Variants in RABGAP1L observed in about 807,000 individuals in gnomAD.
RABGAP1L encodes rab GTPase-activating protein 1-like.
Under a neutral mutation model 137.7 loss-of-function variants are expected in RABGAP1L, and 63 were observed. The observed-to-expected ratio is 0.46, with a 90% CI of 0.37 to 0.56. The LOEUF is 0.56. Ranked by LOEUF, RABGAP1L falls within the 20% of genes least tolerant of loss-of-function variation. RABGAP1L has a pLI of 0.00. For synonymous variants in RABGAP1L, 431 were observed against 433.7 expected (o/e 0.99, Z 0.08); for missense variants, 1,095 against 1,244.0 (o/e 0.88, Z 1.80).
At chr1:174,718,856 T>TG (rs1330206930) in intron 17 of RABGAP1L, among the ~76,000 whole-genome samples, 1 of 104,058 alleles carries the variant, frequency 9.6e-6, no homozygotes, top group African/African-American at 2.9e-5. Flanking sequence ...TTTTTTTTTT[T>TG]GAGACAGAGT....
intron 13 of RABGAP1L, among the ~76,000 whole-genome samples, chr1:174,589,482 T>G (rs1669384061): frequency 6.6e-6 from 1 of 152,310 alleles, no homozygotes; most frequent in South Asian, 2.1e-4. Context: ...ATTTGTCCAT[T>G]TTTTCTTTGG....
At chr1:174,648,943 A>T (rs1242355935) in intron 14 of RABGAP1L, among the ~76,000 whole-genome samples, 1 of 151,942 alleles carries the variant, frequency 6.6e-6, no homozygotes. Flanking sequence ...TGATCCCTTT[A>T]CCATTATGTA....
At position 174,788,975 on chromosome 1, in the gene RABGAP1L, A is replaced by G. The variant is rs189063392; in HGVS notation, c.2212-22857A>G. On this transcript the variant is annotated intron_variant, in intron 18 of 25. Transcript: ENST00000681986. ...GCCATCCTCTCTCTTCAGCCACCCA[A>G]AGTGCTGGGGGTTCAGGTGTGAGCC... Among the ~76,000 whole-genome samples, 17 of 152,060 alleles carry G rather than the reference A, an allele frequency of 1.1e-4. No individual in the cohort carries two copies. In the East Asian group the frequency reaches 3.3e-3, roughly 29 times the overall value.
In RABGAP1L at chr1:174,311,575, G is replaced by A. The variant is rs536149410; in HGVS notation, c.1465+6448G>A. On this transcript the variant is annotated intron_variant, in intron 11 of 25. Coordinates refer to ENST00000681986, the MANE Select transcript of RABGAP1L (RefSeq NM_001366446.1). ...ATTTCACTTAACATAATGATCTCCA[G>A]TTCAATCCATGTTGTTGCAAATGAC... Among the ~76,000 whole-genome samples, 17 of 152,224 alleles carry A rather than the reference G, an allele frequency of 1.1e-4. No individual in the cohort carries two copies. The South Asian group carries it at 1.5e-3, about 13-fold the overall frequency.
intron 11 of RABGAP1L, among the ~76,000 whole-genome samples, chr1:174,347,739 C>A (rs1417191620): frequency 2.0e-5 from 3 of 152,148 alleles, no homozygotes; most frequent in Non-Finnish European, 4.4e-5. Context: ...CATGATCTGC[C>A]CGCCTCGGCC....
chr1:174,201,105 T>G (rs1388957989), intron 1 of RABGAP1L, among the ~76,000 whole-genome samples: 1 of 152,126 alleles, frequency 6.6e-6, no homozygotes, highest in East Asian at 1.9e-4. Context: ...AGAAACTATT[T>G]TTTAATTTTA....
intron 21 of RABGAP1L, among the ~76,000 whole-genome samples, chr1:174,972,651 G>C (rs773558231): frequency 6.6e-6 from 1 of 152,096 alleles, no homozygotes; most frequent in South Asian, 2.1e-4. Flanking sequence ...TTAGGAGTTC[G>C]AGACCAGCCT....
chr1:174,336,720 T>G (rs528069645), intron 11 of RABGAP1L, among the ~76,000 whole-genome samples: 1 of 152,288 alleles, frequency 6.6e-6, no homozygotes, highest in Non-Finnish European at 1.5e-5. Context: ...ATTAGCTCAT[T>G]TAATCCTCTT....
At chr1:174,833,408 GTA>G (rs3980202) in intron 19 of RABGAP1L, among the ~76,000 whole-genome samples, 18,275 of 66,036 alleles carry the variant, frequency 0.28, 2,308 homozygotes, top group Non-Finnish European at 0.36. Context: ...GTGTATGTGT[GTA>G]TGTGTGTGTG....
In RABGAP1L at chr1:174,794,366, C is replaced by T. The variant is rs146999852; in HGVS notation, c.2212-17466C>T. 1.4e-3 allele frequency among the ~76,000 whole-genome samples: 215 copies of T among 152,216 alleles called. 2 individuals are homozygous for T. The highest frequency in any genetic ancestry group is 4.9e-3 in the African/African-American group (202 of 41,548). ...CTTTCTAAACCCTAACCCAGATAAA[C>T]GCAATGTATTTTTACACATTTTCTT... On this transcript the variant is annotated intron_variant, in intron 18 of 25. Transcript: ENST00000681986.
chr1:174,625,421 G>C (rs958768837), intron 13 of RABGAP1L, among the ~76,000 whole-genome samples: 9 of 151,934 alleles, frequency 5.9e-5, no homozygotes, highest in Non-Finnish European at 1.3e-4. Flanking sequence ...TTCACTTTTT[G>C]TGGGGTAGTG....
At chr1:174,542,145 T>C (rs1192498416) in intron 13 of RABGAP1L, among the ~76,000 whole-genome samples, 1 of 152,214 alleles carries the variant, frequency 6.6e-6, no homozygotes, top group Non-Finnish European at 1.5e-5. Flanking sequence ...TTTCTGTTGA[T>C]TGGAATAGTT....
Position 174,371,062 on chromosome 1 carries a change from C to A in RABGAP1L, c.1549C>A (p.Leu517Ile). The A allele has an allele frequency of 6.7e-7, 1 of 1,486,012 alleles. No homozygotes were observed. Among genetic ancestry groups the A allele is most frequent in the South Asian group, 1.5e-5 (1 of 67,264 alleles). The allele number at this position is 1,486,012 out of a possible 1,614,324, so 92.1% of individuals were successfully genotyped here. A position where few individuals can be genotyped will look rare whatever the true frequency, so the allele number is the denominator to read the frequency against. The stretch of plus-strand genomic sequence containing the variant: ...GATCCTGTATTCTTGGGGAGAGTTG[C>A]TAGGAAAATGGTAAAATTTTATTTT... ...EKILYSWGEL[L>I]GKWHSNLGAR... Residue 517 changes from leucine to isoleucine, a missense_variant, in exon 12 of 26, where the codon CTA becomes ATA. Transcript: ENST00000681986.
At chr1:174,300,083 A>G (rs560870762) in intron 10 of RABGAP1L, among the ~76,000 whole-genome samples, 1 of 152,362 alleles carries the variant, frequency 6.6e-6, no homozygotes, top group South Asian at 2.1e-4. Context: ...ATCCCGTATG[A>G]TTTTTGAACA....
At chr1:174,167,041 A>G (rs1465058873) in intron 1 of RABGAP1L, among the ~76,000 whole-genome samples, 1 of 152,186 alleles carries the variant, frequency 6.6e-6, no homozygotes, top group East Asian at 1.9e-4. Flanking sequence ...CTAATATGTA[A>G]ATGTTGTCCT....
At chr1:174,161,211 T>C (rs1310806823) in intron 1 of RABGAP1L, among the ~76,000 whole-genome samples, 1 of 139,772 alleles carries the variant, frequency 7.2e-6, no homozygotes, top group Non-Finnish European at 1.5e-5. Flanking sequence ...CTACATTTGC[T>C]CTGATGTGTA....
chr1:174,803,932 G>A (rs1168795183), intron 18 of RABGAP1L, among the ~76,000 whole-genome samples: 1 of 152,018 alleles, frequency 6.6e-6, no homozygotes, highest in African/African-American at 2.4e-5. Context: ...AATTAGTCAG[G>A]TGTGGGGGTG....
At chr1:174,539,886 T>A (rs1356857008) in intron 13 of RABGAP1L, among the ~76,000 whole-genome samples, 2 of 152,238 alleles carry the variant, frequency 1.3e-5, no homozygotes, top group African/African-American at 4.8e-5. Context: ...CCACAAGGGT[T>A]GAACTAGTTT....
At chr1:174,608,857 G>A (rs1301467487) in intron 13 of RABGAP1L, among the ~76,000 whole-genome samples, 1 of 152,104 alleles carries the variant, frequency 6.6e-6, no homozygotes, top group Non-Finnish European at 1.5e-5. Flanking sequence ...ATAATATCCT[G>A]ACCTATTAAA....
Sources: allele counts gnomAD v4.1 joint callset (sites outside exome capture counted in the v4.1 genomes callset), GRCh38; gene constraint gnomAD v4.1.1; transcripts MANE v1.5; gene names NCBI Gene and HGNC (gene_info 2026-07-23, HGNC 2026-07-21).